RBFOX1: variants seen among roughly 807,000 people sequenced by gnomAD.
RBFOX1 encodes RNA binding fox-1 homolog 1, also known as RNA binding protein fox-1 homolog 1.
RBFOX1 carries 8 observed loss-of-function variants against 57.7 expected under a neutral mutation model. The observed-to-expected ratio is 0.14, with a 90% CI of 0.08 to 0.25. The LOEUF is 0.25. Among genes scored for constraint, RBFOX1 ranks in the 10% least tolerant of loss-of-function variants. The probability of loss-of-function intolerance (pLI) is 1.00; values close to 1 mark genes in which losing one functional copy is unlikely to be tolerated. For synonymous variants in RBFOX1, 326 were observed against 222.4 expected (o/e 1.47, Z -4.15); for missense variants, 611 against 548.5 (o/e 1.11, Z -1.14).
At chr16:7,664,158 A>G (rs1326410554) in intron 12 of RBFOX1, among the ~76,000 whole-genome samples, 2 of 152,244 alleles carry the variant, frequency 1.3e-5, no homozygotes, top group Non-Finnish European at 2.9e-5. Context: ...ATAAATAAGT[A>G]TACACATGCA....
intron 3 of RBFOX1, among the ~76,000 whole-genome samples, chr16:7,024,230 T>C (rs1323620134): frequency 6.6e-6 from 1 of 152,206 alleles, no homozygotes; most frequent in Non-Finnish European, 1.5e-5. Context: ...GCATTGGCAC[T>C]CATATCGTGC....
At chr16:6,890,886 A>G (rs1313033365) in intron 3 of RBFOX1, among the ~76,000 whole-genome samples, 2 of 152,214 alleles carry the variant, frequency 1.3e-5, no homozygotes, top group Non-Finnish European at 2.9e-5. Context: ...GGATGAAGTC[A>G]GGGGTATGAA....
At chr16:5,758,569 C>A (rs1233383990) in intron 3 of RBFOX1, among the ~76,000 whole-genome samples, 1 of 152,174 alleles carries the variant, frequency 6.6e-6, no homozygotes, top group East Asian at 1.9e-4. Flanking sequence ...TTTACAGTGA[C>A]ACTCTTAGAA....
chr16:5,900,533 G>C (rs2058281467), intron 4 of RBFOX1, among the ~76,000 whole-genome samples: 1 of 152,050 alleles, frequency 6.6e-6, no homozygotes, highest in Non-Finnish European at 1.5e-5. Context: ...AATCCACCAG[G>C]AGACCTTTGT....
chr16:5,909,088 CCCTTTTTTT>C lies in RBFOX1; in HGVS notation c.351+41754_351+41762del, dbSNP rs1333223504. ...ATATCGGCTCCAACAGACTAAGCCC[CCCTTTTTTT>C]TTTTTTTTTTTTTGAGACAGAGTCT... On this transcript the variant is annotated intron_variant, in intron 4 of 19. Transcript: ENST00000641259. Among the ~76,000 whole-genome samples the C allele has an allele frequency of 2.4e-4, 19 of 77,636 alleles. No individual in the cohort carries two copies. In the Admixed American group the frequency reaches 2.6e-3, roughly 11 times the overall value. The allele number at this position is 77,636 out of a possible 152,430, so 50.9% of individuals were successfully genotyped here.
At chr16:7,359,374 G>T (rs55702401) in intron 4 of RBFOX1, among the ~76,000 whole-genome samples, 14,168 of 148,456 alleles carry the variant, frequency 0.095, 759 homozygotes, top group Middle Eastern at 0.11. Context: ...GTGTATATCT[G>T]TGTATATGTG....
Position 7,325,444 on chromosome 16 carries a change from A to T in RBFOX1, c.28-192703A>T, listed in dbSNP as rs1020349816. The stretch of plus-strand genomic sequence containing the variant: ...AACAAGGGAGCCAGGCATGGTAAGA[A>T]GTTGCCAGGAGGTGAGAGAATGTAA... On this transcript the variant is annotated intron_variant, in intron 4 of 15. Transcript: ENST00000550418. Among the ~76,000 whole-genome samples the T allele has an allele frequency of 1.8e-4, 27 of 152,208 alleles. 1 individual carries two copies. The highest frequency in any genetic ancestry group is 2.8e-4 in the Non-Finnish European group (19 of 68,032).
intron 2 of RBFOX1, among the ~76,000 whole-genome samples, chr16:5,578,496 A>G (rs1243337031): frequency 6.6e-6 from 1 of 152,204 alleles, no homozygotes; most frequent in Non-Finnish European, 1.5e-5. Flanking sequence ...TGACATTTAG[A>G]AATGTATTGG....
intron 1 of RBFOX1, among the ~76,000 whole-genome samples, chr16:6,034,518 G>C (rs2095338527): frequency 6.6e-6 from 1 of 151,946 alleles, no homozygotes; most frequent in Non-Finnish European, 1.5e-5. Flanking sequence ...TATGGTGGAA[G>C]GTAGAAGTGC....
chr16:5,380,855 G>A (rs532374042), intron 1 of RBFOX1, among the ~76,000 whole-genome samples: 77 of 152,300 alleles, frequency 5.1e-4, no homozygotes, highest in African/African-American at 1.7e-3. Context: ...TTATCCTGAG[G>A]ATGTACTCAT....
chr16:5,453,183 C>G (rs1176832757), intron 1 of RBFOX1, among the ~76,000 whole-genome samples: 2 of 152,146 alleles, frequency 1.3e-5, no homozygotes, highest in African/African-American at 2.4e-5. Flanking sequence ...CCTACTGTGT[C>G]CCAGCACTAG....
intron 4 of RBFOX1, among the ~76,000 whole-genome samples, chr16:5,988,191 T>C (rs886675429): frequency 2.6e-5 from 4 of 152,204 alleles, no homozygotes; most frequent in Admixed American, 6.5e-5. Flanking sequence ...TAATATAATA[T>C]GAAATATCTG....
At chr16:5,405,440 C>T (rs1464798899) in intron 1 of RBFOX1, among the ~76,000 whole-genome samples, 1 of 152,182 alleles carries the variant, frequency 6.6e-6, no homozygotes, top group Non-Finnish European at 1.5e-5. Flanking sequence ...GTAAGATGTG[C>T]CTTTTGCCTT....
intron 4 of RBFOX1, chr16:7,333,208 G>C (rs1464484174): frequency 5.8e-6 from 5 of 861,068 alleles, no homozygotes; most frequent in African/African-American, 1.7e-5. Context: ...CGCGTAGTCA[G>C]TGAGAAGACA....
intron 2 of RBFOX1, among the ~76,000 whole-genome samples, chr16:6,400,781 G>A (rs772728619): frequency 6.6e-6 from 1 of 152,078 alleles, no homozygotes; most frequent in African/African-American, 2.4e-5. Context: ...TGTAGTCCCA[G>A]CTACTCAGGA....
At chr16:5,288,998 G>A (rs184685817) in intron 1 of RBFOX1, among the ~76,000 whole-genome samples, 187 of 152,198 alleles carry the variant, frequency 1.2e-3, no homozygotes, top group Non-Finnish European at 2.1e-3. Flanking sequence ...GGTGGCGCAC[G>A]CCTGTAGTCC....
chr16:6,017,753 C>T (rs192879528), upstream of RBFOX1, among the ~76,000 whole-genome samples: 236 of 152,222 alleles, frequency 1.6e-3, 2 homozygotes, highest in African/African-American at 5.3e-3. Context: ...AACCGCAGCC[C>T]GATAGGATTG....
At chr16:5,978,106 C>G (rs939082645) in intron 4 of RBFOX1, among the ~76,000 whole-genome samples, 3 of 116,588 alleles carry the variant, frequency 2.6e-5, no homozygotes, top group East Asian at 2.9e-4. Context: ...GCTGGGCATC[C>G]TAGGGAGAAT....
chr16:6,706,821 T>G (rs2062836623), intron 3 of RBFOX1, among the ~76,000 whole-genome samples: 1 of 151,930 alleles, frequency 6.6e-6, no homozygotes, highest in Admixed American at 6.6e-5. Flanking sequence ...GTTTAGGGTA[T>G]CTGTAATAAT....
Sources: allele counts gnomAD v4.1 joint callset (sites outside exome capture counted in the v4.1 genomes callset), GRCh38; gene constraint gnomAD v4.1.1; transcripts MANE v1.5; gene names NCBI Gene and HGNC (gene_info 2026-07-23, HGNC 2026-07-21).